The following SYNE2 variants were observed in gnomAD, a reference collection of about 807,000 sequenced individuals.
SYNE2 encodes nesprin-2.
SYNE2 carries 431 observed loss-of-function variants against 856.3 expected under a neutral mutation model. That is an observed-to-expected ratio of 0.50 (90% CI 0.47 to 0.55). The LOEUF (loss-of-function observed/expected upper bound fraction) is 0.55, where lower values mean the gene tolerates loss of function less well. Ranked by LOEUF, SYNE2 falls within the 20% of genes least tolerant of loss-of-function variation. The pLI is 0.00. For synonymous variants in SYNE2, 2,923 were observed against 2,872.3 expected (o/e 1.02, Z -0.56); for missense variants, 8,129 against 8,023.2 (o/e 1.01, Z -0.50).
At chr14:63,788,022 T>A (rs1887602392) in intron 1 of SYNE2, among the ~76,000 whole-genome samples, 1 of 152,110 alleles carries the variant, frequency 6.6e-6, no homozygotes, top group Non-Finnish European at 1.5e-5. Context: ...CCCCTTGGCT[T>A]CCCCTCTCAC....
chr14:64,066,024 A>G (rs868105613), intron 51 of SYNE2, among the ~76,000 whole-genome samples: 3 of 152,242 alleles, frequency 2.0e-5, no homozygotes, highest in African/African-American at 4.8e-5. Context: ...GAAATTATCT[A>G]TAATTTTCAA....
intron 55 of SYNE2, 113 bp downstream of exon 55, chr14:64,078,719 T>C (rs1271564069): frequency 7.4e-7 from 1 of 1,343,088 alleles, no homozygotes; most frequent in Admixed American, 1.8e-5. Context: ...ACAGAAATTG[T>C]AAACCAAATC....
chr14:63,842,651 G>A (rs951223239), intron 1 of SYNE2, among the ~76,000 whole-genome samples: 1 of 151,740 alleles, frequency 6.6e-6, no homozygotes, highest in East Asian at 1.9e-4. Flanking sequence ...TAGAGATGGG[G>A]GTTTCACCAT....
At chr14:64,170,599 A>G in intron 94 of SYNE2, 137 bp downstream of exon 94, 1 of 864,910 alleles carries the variant, frequency 1.2e-6, no homozygotes, top group African/African-American at 1.7e-5. Context: ...AGCAAGGTGC[A>G]GTCACCACCC....
intron 2 of SYNE2, among the ~76,000 whole-genome samples, chr14:63,913,466 C>CTTTCTTT (rs551498099): frequency 0.086 from 12,016 of 139,498 alleles, 573 homozygotes; most frequent in African/African-American, 0.12. Context: ...TTCTTTCTTT[C>CTTTCTTT]TTTTTTTTTT....
In SYNE2 at chr14:63,980,998, A is replaced by G. The variant is rs1017912536; in HGVS notation, c.1661A>G (p.Gln554Arg). The change falls in exon 16 of 116, where the codon CAG becomes CGG. Residue 554 changes from glutamine to arginine, a missense_variant. Physicochemically the swap from Gln to Arg is conservative, Grantham distance 43. Around this residue, in one of 3 missense-constraint regions of SYNE2, gnomAD observed 2,422 missense variants for 2,357.4 expected, o/e 1.03. Coordinates refer to ENST00000555002, the MANE Select transcript of SYNE2 (RefSeq NM_182914.3). ...EIYKNLAGEC[Q>R]NINKQYMMVK... ...GTTAATATTGTAGCTGGAGAATGTC[A>G]GAATATTAATAAACAGTATATGATG... The G allele has an allele frequency of 6.4e-7, 1 of 1,556,182 alleles. No homozygotes were observed. Among genetic ancestry groups the G allele is most frequent in the Non-Finnish European group, 8.8e-7 (1 of 1,133,426 alleles).
chr14:63,883,347 C>G (rs1419207352), intron 1 of SYNE2, among the ~76,000 whole-genome samples: 1 of 152,008 alleles, frequency 6.6e-6, no homozygotes, highest in Admixed American at 6.6e-5. Context: ...GCGTGACCCA[C>G]GATGCTCGGC....
chr14:64,060,059 C>G (rs915549653), intron 49 of SYNE2, among the ~76,000 whole-genome samples: 1 of 152,164 alleles, frequency 6.6e-6, no homozygotes, highest in African/African-American at 2.4e-5. Flanking sequence ...ACAGTGGGCT[C>G]GCTCCTCTGG....
intron 1 of SYNE2, among the ~76,000 whole-genome samples, chr14:63,839,828 C>T (rs935553671): frequency 2.0e-5 from 3 of 152,196 alleles, no homozygotes; most frequent in Admixed American, 1.3e-4. Context: ...CATTATTCCA[C>T]ACCCTGAAGC....
intron 1 of SYNE2, among the ~76,000 whole-genome samples, chr14:63,844,067 C>G (rs952815790): frequency 2.0e-5 from 3 of 152,200 alleles, no homozygotes; most frequent in African/African-American, 7.2e-5. Context: ...AGGGATTACT[C>G]TTCTTGTCAT....
chr14:64,147,315 C>A (rs937482174), intron 84 of SYNE2, among the ~76,000 whole-genome samples: 6 of 152,316 alleles, frequency 3.9e-5, no homozygotes, highest in African/African-American at 1.4e-4. Flanking sequence ...CCCTCATTTC[C>A]TTCTGATTCA....
At chr14:63,959,287 C>CTTCTTT (rs2096278952) in intron 8 of SYNE2, among the ~76,000 whole-genome samples, 1 of 81,382 alleles carries the variant, frequency 1.2e-5, no homozygotes. Context: ...TTTTCTTCTT[C>CTTCTTT]TTTTTTTTTT....
chr14:64,191,399 C>A (rs2098518136), intron 99 of SYNE2, among the ~76,000 whole-genome samples: 1 of 152,072 alleles, frequency 6.6e-6, no homozygotes, highest in African/African-American at 2.4e-5. Flanking sequence ...ATCCCATCTT[C>A]CTGGGATTAG....
chr14:64,039,535 A>G (rs2097131231), intron 45 of SYNE2, among the ~76,000 whole-genome samples: 1 of 152,204 alleles, frequency 6.6e-6, no homozygotes, highest in African/African-American at 2.4e-5. Context: ...ACCCAAATGA[A>G]AGGAAAGATA....
chr14:64,194,077 C>T (rs1463409669), intron 99 of SYNE2, among the ~76,000 whole-genome samples: 6 of 152,026 alleles, frequency 3.9e-5, no homozygotes, highest in Admixed American at 6.5e-5. Context: ...CAGGCAGCTT[C>T]TTACAGTGGT....
chr14:64,167,186 T>G (rs1479297061), intron 90 of SYNE2, 47 bp from the exon 91 acceptor site: 1 of 1,612,668 alleles, frequency 6.2e-7, no homozygotes, highest in African/African-American at 1.3e-5. Flanking sequence ...GTCATCTAGA[T>G]ATCTTATTGG....
intron 70 of SYNE2, among the ~76,000 whole-genome samples, chr14:64,123,679 C>T (rs1207396007): frequency 6.6e-6 from 1 of 152,146 alleles, no homozygotes; most frequent in African/African-American, 2.4e-5. Flanking sequence ...AATCATTCAC[C>T]CTTCTGAAAT....
In SYNE2 at chr14:64,158,807, A is replaced by G. The variant is rs748018152; in HGVS notation, c.15963+12A>G. 5.6e-6 allele frequency: 9 copies of G among 1,613,534 alleles called. No homozygotes were observed. Among genetic ancestry groups the G allele is most frequent in the Admixed American group, 3.3e-5 (2 of 59,986 alleles). Reference sequence around the variant, plus strand: ...TGGAGAACCTTCAGGTAAATTAACCAGAGCTTGGCATGGTGCATTATTGGC... The same window carrying G: ...TGGAGAACCTTCAGGTAAATTAACCGGAGCTTGGCATGGTGCATTATTGGC... On this transcript the variant is annotated intron_variant, in intron 86 of 115. Coordinates refer to ENST00000555002, the MANE Select transcript of SYNE2 (RefSeq NM_182914.3).
In SYNE2 at chr14:64,030,438, C is replaced by T. The variant is rs75668459; in HGVS notation, c.6879+379C>T. ...TTAGGATAACGACTGATAAACTGTA[C>T]ATCGTTCACCTAGATTTATTCTAGT... On this transcript the variant is annotated intron_variant, in intron 44 of 115. Transcript: ENST00000555002. Among the ~76,000 whole-genome samples the T allele has an allele frequency of 1.1e-3, 169 of 152,336 alleles. 3 individuals carry two copies. In the South Asian group the frequency reaches 0.015, roughly 14 times the overall value.
Sources: allele counts gnomAD v4.1 joint callset (sites outside exome capture counted in the v4.1 genomes callset), GRCh38; gene constraint gnomAD v4.1.1; regional missense constraint gnomAD v4.1.1; transcripts MANE v1.5; gene names NCBI Gene and HGNC (gene_info 2026-07-23, HGNC 2026-07-21).